Variants in CDKL4 observed in about 807,000 individuals in gnomAD.
CDKL4 encodes cyclin dependent kinase like 4.
Under a neutral mutation model 42.0 loss-of-function variants are expected in CDKL4, and 44 were observed. The ratio of observed to expected loss-of-function variants is 1.05; its 90% CI spans 0.82 to 1.35. CDKL4 has a LOEUF of 1.35. Among genes scored for constraint, CDKL4 ranks in the 40% most tolerant of loss-of-function variants. The pLI is 0.00. For synonymous variants in CDKL4, 120 were observed against 121.6 expected (o/e 0.99, Z 0.09); for missense variants, 393 against 369.9 (o/e 1.06, Z -0.51).
At chr2:39,206,295 T>A (rs1459797989) in intron 4 of CDKL4, among the ~76,000 whole-genome samples, 1 of 152,196 alleles carries the variant, frequency 6.6e-6, no homozygotes, top group Non-Finnish European at 1.5e-5. Context: ...TTGTCCAGGC[T>A]GGTCTTGAAT....
chr2:39,235,907 T>C (rs1415148578), intron 1 of CDKL4, among the ~76,000 whole-genome samples: 1 of 151,202 alleles, frequency 6.6e-6, no homozygotes, highest in Non-Finnish European at 1.5e-5. Flanking sequence ...ATATGAGACA[T>C]GCTAAAAAAA....
At chr2:39,226,456 T>TTATATATATTATATATATA (rs1396098912) in intron 2 of CDKL4, among the ~76,000 whole-genome samples, 3,345 of 137,262 alleles carry the variant, frequency 0.024, 70 homozygotes, top group Non-Finnish European at 0.036. Flanking sequence ...TATATATATA[T>TTATATATATTATATATATA]TATATATATT....
At chr2:39,190,164 T>G in intron 6 of CDKL4, 141 bp downstream of exon 6, 1 of 594,162 alleles carries the variant, frequency 1.7e-6, no homozygotes, top group Admixed American at 3.5e-5. Context: ...AACCCAGAAC[T>G]GAGAACAACC....
downstream of CDKL4, among the ~76,000 whole-genome samples, chr2:39,171,039 G>A (rs145051815): frequency 0.023 from 3,541 of 151,936 alleles, 53 homozygotes; most frequent in Middle Eastern, 0.027. Flanking sequence ...AGGAGTTCGA[G>A]ACCAGCCTGG....
At chr2:39,239,233 A>G (rs10865147) in intron 1 of CDKL4, among the ~76,000 whole-genome samples, 135,331 of 151,908 alleles carry the variant, frequency 0.89, 60,497 homozygotes, top group Non-Finnish European at 0.94. Flanking sequence ...AAATGTAAGC[A>G]TTAAAACTGT....
intron 3 of CDKL4, among the ~76,000 whole-genome samples, chr2:39,218,295 G>A (rs112441500): frequency 0.022 from 3,365 of 152,068 alleles, 114 homozygotes; most frequent in African/African-American, 0.077. Flanking sequence ...GAGCACAGGA[G>A]TTTGAGACCA....
At chr2:39,189,713 C>G (rs947618372) in intron 6 of CDKL4, among the ~76,000 whole-genome samples, 2 of 152,004 alleles carry the variant, frequency 1.3e-5, no homozygotes, top group African/African-American at 4.8e-5. Flanking sequence ...TATTGTTGCA[C>G]GTGAAAACTA....
At chr2:39,184,680 A>C (rs371455756) in intron 7 of CDKL4, 33 bp from the exon 8 acceptor site, 1 of 1,452,218 alleles carries the variant, frequency 6.9e-7, no homozygotes, top group African/African-American at 1.4e-5. Context: ...TCAATATTAC[A>C]TAAGAACAAA....
rs865989136 is a variant in CDKL4 at position 39,187,845 on chromosome 2, A to G, written c.653-136T>C. On this transcript the variant is annotated intron_variant, in intron 6 of 9. Transcript: ENST00000451199. ...CACTTTGAGAGGCTACGGCAGGTGG[A>G]TCACTTGACGTCAAGAGTTCGAGAC... is the stretch of plus-strand genomic sequence containing the variant. The G allele has an allele frequency of 2.6e-5, 16 of 607,102 alleles. No homozygotes were observed. In the Middle Eastern group the frequency reaches 1.6e-3, roughly 61 times the overall value. The allele number at this position is 607,102 out of a possible 1,614,324, so 37.6% of individuals were successfully genotyped here. A position where few individuals can be genotyped will look rare whatever the true frequency, so the allele number is the denominator to read the frequency against.
intron 3 of CDKL4, among the ~76,000 whole-genome samples, chr2:39,219,521 A>C (rs1004455615): frequency 6.6e-6 from 1 of 152,100 alleles, no homozygotes; most frequent in African/African-American, 2.4e-5. Flanking sequence ...TCTGGGTTCA[A>C]GCAATTCTCC....
intron 3 of CDKL4, among the ~76,000 whole-genome samples, chr2:39,218,913 C>A (rs1384562529): frequency 2.0e-5 from 3 of 152,182 alleles, no homozygotes; most frequent in African/African-American, 4.8e-5. Flanking sequence ...GTTATCAGTA[C>A]CTCTATGTAT....
At chr2:39,216,283 C>G (rs994171385) in intron 3 of CDKL4, among the ~76,000 whole-genome samples, 2 of 151,916 alleles carry the variant, frequency 1.3e-5, no homozygotes, top group African/African-American at 4.8e-5. Context: ...GACCCCTGTA[C>G]AAAGAGGGAA....
rs1558576033 is a variant in CDKL4 at position 39,221,012 on chromosome 2, TGTTTTG to T, written c.290+4821_290+4826del. 3.1e-3 allele frequency among the ~76,000 whole-genome samples: 203 copies of T among 65,352 alleles called. 1 individual carries two copies. Among genetic ancestry groups the T allele is most frequent in the South Asian group, 4.1e-3 (6 of 1,448 alleles). The allele number at this position is 65,352 out of a possible 152,430, so 42.9% of individuals were successfully genotyped here. A position where few individuals can be genotyped will look rare whatever the true frequency, so the allele number is the denominator to read the frequency against. ...TTTTTTTTTTTTTTGTTTTTTTTTT[TGTTTTG>T]TTTTTGTTTTTTGAGACAGAGTCTC... On this transcript the variant is annotated intron_variant, in intron 3 of 9. Transcript: ENST00000451199.
Position 39,221,756 on chromosome 2 carries a change from T to C in CDKL4, c.290+4083A>G, listed in dbSNP as rs571140235. On this transcript the variant is annotated intron_variant, in intron 3 of 9. Coordinates refer to ENST00000451199, the Ensembl canonical transcript of CDKL4. Reference sequence around the variant, plus strand: ...AACAGAGGAGTTGCTTGAACATGCCTTGCTCTTTCTTGTGTCTCTGCATTC... The same window carrying C: ...AACAGAGGAGTTGCTTGAACATGCCCTGCTCTTTCTTGTGTCTCTGCATTC... Among the ~76,000 whole-genome samples, 128 of 152,320 alleles carry C rather than the reference T, an allele frequency of 8.4e-4. 2 individuals carry two copies. The highest frequency in any genetic ancestry group is 2.5e-3 in the African/African-American group (106 of 41,576).
chr2:39,199,468 A>G (rs1173241142), intron 5 of CDKL4, among the ~76,000 whole-genome samples: 2 of 152,116 alleles, frequency 1.3e-5, no homozygotes, highest in African/African-American at 2.4e-5. Flanking sequence ...GAGAAAGGGA[A>G]TCCTCTCTAA....
At position 39,234,401 on chromosome 2, in the gene CDKL4, C is replaced by T. The variant is rs1573030373; in HGVS notation, c.-56-4813G>A. On this transcript the variant is annotated intron_variant, in intron 1 of 9. Coordinates refer to ENST00000451199, the Ensembl canonical transcript of CDKL4. ...ATTTGATTGGGGCATTAAAGAAAGG[C>T]AGAACAGTAATTATGAGAATTAAAA... Among the ~76,000 whole-genome samples the T allele has an allele frequency of 2.0e-5, 3 of 151,460 alleles. No individual in the cohort carries two copies. In the East Asian group the frequency reaches 5.8e-4, roughly 29 times the overall value.
intron 4 of CDKL4, among the ~76,000 whole-genome samples, chr2:39,210,291 T>G (rs1474928115): frequency 6.6e-6 from 1 of 152,144 alleles, no homozygotes; most frequent in Non-Finnish European, 1.5e-5. Flanking sequence ...ACACCTAGCC[T>G]GAAAAATTAC....
chr2:39,201,469 GT>G (rs1234296413), intron 5 of CDKL4, among the ~76,000 whole-genome samples: 7 of 152,028 alleles, frequency 4.6e-5, no homozygotes, highest in African/African-American at 1.4e-4. Flanking sequence ...CCACTCCTGG[GT>G]ATCTACCGAG....
upstream of CDKL4, among the ~76,000 whole-genome samples, chr2:39,244,707 C>T (rs1400369522): frequency 1.3e-5 from 2 of 152,254 alleles, no homozygotes; most frequent in African/African-American, 4.8e-5. Context: ...AGCCCCTGTG[C>T]GGGATCCACT....
Sources: gnomAD v4.1 joint callset for allele counts (sites outside exome capture counted in the v4.1 genomes callset) on GRCh38, gnomAD v4.1.1 for gene constraint, MANE v1.5 for transcripts, NCBI Gene and HGNC (gene_info 2026-07-23, HGNC 2026-07-21) for gene names.